The following VCL variants were observed in gnomAD, a reference collection of about 807,000 sequenced individuals.
VCL encodes the protein epididymis luminal protein 114.
A neutral mutation model predicts 125.7 loss-of-function variants in VCL; 47 were observed. That is an observed-to-expected ratio of 0.37 (90% CI 0.30 to 0.48). The LOEUF (loss-of-function observed/expected upper bound fraction) is 0.48, where lower values mean the gene tolerates loss of function less well. Among genes scored for constraint, VCL ranks in the 20% least tolerant of loss-of-function variants. The pLI, the probability that VCL is intolerant of heterozygous loss-of-function variation, is 0.99. For synonymous variants in VCL, 458 were observed against 514.6 expected, an observed-to-expected ratio of 0.89 and a Z score of 1.49; for missense variants, 1,069 against 1,455.5, an observed-to-expected ratio of 0.73 and a Z score of 4.32.
At chr10:74,117,918 A>G (rs758949279) in intron 21 of VCL, 105 bp from the exon 22 acceptor site, 97 of 1,494,096 alleles carry the variant, frequency 6.5e-5, no homozygotes, top group Non-Finnish European at 8.9e-5. Flanking sequence ...GGGGGATGCC[A>G]GGTACCAGTG....
intron 2 of VCL, among the ~76,000 whole-genome samples, chr10:74,047,168 A>C (rs561181313): frequency 4.1e-4 from 63 of 152,312 alleles, no homozygotes; most frequent in African/African-American, 1.4e-3. Context: ...ATGGTGGCTC[A>C]CGCCTGTAAT....
At position 74,001,713 on chromosome 10, in the gene VCL, A is replaced by G. The variant is rs11000838; in HGVS notation, c.168+3338A>G. On this transcript the variant is annotated intron_variant, in intron 1 of 21. Coordinates refer to ENST00000211998, the MANE Select transcript of VCL (RefSeq NM_014000.3). ...GAACTCTGAATTTGCTAGAAAAGAAACATAGTATTACGGTAAAATAATGAA... is the reference window on the plus strand; with the variant it reads ...GAACTCTGAATTTGCTAGAAAAGAAGCATAGTATTACGGTAAAATAATGAA... Among the ~76,000 whole-genome samples, 1,094 of 152,328 alleles carry G rather than the reference A, an allele frequency of 7.2e-3. 9 individuals are homozygous for G. Among genetic ancestry groups the G allele is most frequent in the Middle Eastern group, 0.054 (16 of 294 alleles).
At chr10:74,052,705 A>T (rs1374802258) in intron 2 of VCL, among the ~76,000 whole-genome samples, 1 of 150,862 alleles carries the variant, frequency 6.6e-6, no homozygotes. Context: ...CTTTTCTCAG[A>T]GATATTTTTT....
At chr10:74,005,866 AT>A (rs1397047248) in intron 1 of VCL, among the ~76,000 whole-genome samples, 1 of 151,580 alleles carries the variant, frequency 6.6e-6, no homozygotes, top group Non-Finnish European at 1.5e-5. Context: ...TTATTGTTGT[AT>A]TGTTTTTTAT....
rs767772108 is a variant in VCL at position 74,114,213 on chromosome 10, C to T, written c.2979C>T (p.Arg993=). 1 of 1,613,822 alleles carries T rather than the reference C, an allele frequency of 6.2e-7. No individual in the cohort carries two copies. Among genetic ancestry groups the T allele is most frequent in the Admixed American group, 1.7e-5 (1 of 60,008 alleles). The change falls in exon 20 of 22, where the codon CGC becomes CGT. Residue 993 remains arginine, a synonymous_variant. Coordinates refer to ENST00000211998, the MANE Select transcript of VCL (RefSeq NM_014000.3). ...ATGACATCATTGCAGCAGCCAAGCGCATGGCTCTGCTGATGGCTGAGATGT... is the reference window on the plus strand; with the variant it reads ...ATGACATCATTGCAGCAGCCAAGCGTATGGCTCTGCTGATGGCTGAGATGT... ...KGNDIIAAAK[R]MALLMAEMSR...
intron 18 of VCL, among the ~76,000 whole-genome samples, chr10:74,109,468 A>G (rs1423535232): frequency 2.0e-5 from 3 of 152,140 alleles, no homozygotes; most frequent in African/African-American, 4.8e-5. Context: ...GAAATTGCTT[A>G]TCTTTCTTGG....
chr10:74,038,733 G>C (rs1370617398), intron 1 of VCL, among the ~76,000 whole-genome samples: 1 of 151,966 alleles, frequency 6.6e-6, no homozygotes, highest in Non-Finnish European at 1.5e-5. Flanking sequence ...TCAGTTTTTA[G>C]TAATTACCTC....
intron 1 of VCL, among the ~76,000 whole-genome samples, chr10:74,014,100 A>G (rs957895382): frequency 6.6e-6 from 1 of 152,196 alleles, no homozygotes; most frequent in African/African-American, 2.4e-5. Flanking sequence ...TTTTTAATTT[A>G]TATTTATTTT....
intron 1 of VCL, among the ~76,000 whole-genome samples, chr10:74,027,029 A>T (rs1840783844): frequency 6.6e-6 from 1 of 152,238 alleles, no homozygotes; most frequent in Non-Finnish European, 1.5e-5. Flanking sequence ...TGTGAACTGA[A>T]ACTATTAAGG....
At chr10:74,035,293 T>C (rs1035391091) in intron 1 of VCL, among the ~76,000 whole-genome samples, 4 of 151,638 alleles carry the variant, frequency 2.6e-5, no homozygotes, top group Non-Finnish European at 4.4e-5. Flanking sequence ...CAAATCTCTC[T>C]ACATTACCAA....
intron 20 of VCL, 23 bp from the exon 21 acceptor site, chr10:74,114,772 A>T: frequency 6.3e-7 from 1 of 1,582,642 alleles, no homozygotes. Flanking sequence ...AGAGAAACAT[A>T]CCAAATTAAA....
At chr10:74,051,454 C>A (rs888971947) in intron 2 of VCL, among the ~76,000 whole-genome samples, 2 of 152,206 alleles carry the variant, frequency 1.3e-5, no homozygotes, top group Non-Finnish European at 2.9e-5. Flanking sequence ...CCAGCCTGGT[C>A]TTGAGCTCTG....
intron 11 of VCL, among the ~76,000 whole-genome samples, 200 bp downstream of exon 11, chr10:74,094,661 T>C (rs1839938241): frequency 6.6e-6 from 1 of 152,154 alleles, no homozygotes; most frequent in South Asian, 2.1e-4. Flanking sequence ...TGGCTCATGT[T>C]TGTAATCCAA....
rs1840343427 is a variant in VCL, at chr10:74,118,355, A to T, written c.*186A>T. On this transcript the variant is annotated 3_prime_UTR_variant, in exon 22 of 22. Coordinates refer to ENST00000211998, the MANE Select transcript of VCL (RefSeq NM_014000.3). Reference sequence around the variant, plus strand: ...ACTCTTTTTTCATGGACACTTTGAAATGTGTTTCTGTATAAAGCCTGTATT... The same window carrying T: ...ACTCTTTTTTCATGGACACTTTGAATTGTGTTTCTGTATAAAGCCTGTATT... 1.4e-6 allele frequency: 1 copy of T among 734,020 alleles called. No individual in the cohort carries two copies. Among genetic ancestry groups the T allele is most frequent in the Non-Finnish European group, 2.3e-6 (1 of 433,856 alleles). The allele number at this position is 734,020 out of a possible 1,614,324, so 45.5% of individuals were successfully genotyped here.
rs2136273260 is a variant in VCL, at chr10:74,071,657, AG to A, written c.499+577del. Among the ~76,000 whole-genome samples, 1 of 152,350 alleles carries A rather than the reference AG, an allele frequency of 6.6e-6. No homozygotes were observed. The highest frequency in any genetic ancestry group is 1.5e-5 in the Non-Finnish European group (1 of 68,020). ...GTTACAGACATATAACATGAACTTG[AG>A]GGTCTTTAAAGTATGAATGAGACCA... On this transcript the variant is annotated intron_variant, in intron 4 of 21. Transcript: ENST00000211998. The surrounding 1 kb of genome is among the most constrained non-coding windows in gnomAD (Gnocchi z 4.1).
intron 1 of VCL, among the ~76,000 whole-genome samples, chr10:74,036,089 C>T (rs1475901471): frequency 6.6e-6 from 1 of 152,096 alleles, no homozygotes; most frequent in African/African-American, 2.4e-5. Flanking sequence ...AGAGACATGA[C>T]TATATTTATT....
At chr10:74,100,148 T>C (rs144056953) in intron 13 of VCL, among the ~76,000 whole-genome samples, 126 of 152,250 alleles carry the variant, frequency 8.3e-4, no homozygotes, top group African/African-American at 2.8e-3. Flanking sequence ...TAAACCCCAT[T>C]CTCCAAAGCT....
chr10:74,057,197 AG>A (rs1371924713), intron 2 of VCL, among the ~76,000 whole-genome samples: 1 of 152,014 alleles, frequency 6.6e-6, no homozygotes, highest in Non-Finnish European at 1.5e-5. Flanking sequence ...CTCCCACCTC[AG>A]CCTCCCAAAG....
At chr10:74,056,302 G>C (rs112636691) in intron 2 of VCL, among the ~76,000 whole-genome samples, 1 of 151,568 alleles carries the variant, frequency 6.6e-6, no homozygotes, top group Non-Finnish European at 1.5e-5. Context: ...CTCATTGTGG[G>C]TTATTTTTTA....
Sources: allele counts gnomAD v4.1 joint callset (sites outside exome capture counted in the v4.1 genomes callset), GRCh38; gene constraint gnomAD v4.1.1; non-coding constraint Gnocchi (gnomAD v3.1); transcripts MANE v1.5; gene names NCBI Gene and HGNC (gene_info 2026-07-23, HGNC 2026-07-21).